ADIPOR2: variants seen among roughly 807,000 people sequenced by gnomAD.
ADIPOR2 encodes the protein adiponectin receptor protein 2.
In ADIPOR2, 18 loss-of-function variants were observed where a neutral mutation model predicts 40.9. The observed-to-expected ratio is 0.44, with a 90% confidence interval of 0.30 to 0.65. The LOEUF (loss-of-function observed/expected upper bound fraction) is 0.65, where lower values mean the gene tolerates loss of function less well. ADIPOR2 is among the 30% of genes least tolerant of loss of function. The pLI is 0.09. For missense variants in ADIPOR2, 283 were observed against 479.2 expected, an observed-to-expected ratio of 0.59 and a Z score of 3.82; for synonymous variants, 165 against 166.4, an observed-to-expected ratio of 0.99 and a Z score of 0.06.
chr12:1,740,716 G>A (rs555037571), intron 1 of ADIPOR2, among the ~76,000 whole-genome samples: 5 of 152,190 alleles, frequency 3.3e-5, no homozygotes, highest in East Asian at 1.9e-4. Context: ...CCTGTTTTAC[G>A]TATGTATGTG....
chr12:1,757,550 A>G (rs1862163534), intron 2 of ADIPOR2: 3 of 867,536 alleles, frequency 3.5e-6, no homozygotes, highest in Admixed American at 1.7e-5. Context: ...TCTGAATGGT[A>G]TCATTCACCT....
chr12:1,714,440 G>T (rs2094683670), intron 1 of ADIPOR2, among the ~76,000 whole-genome samples: 1 of 152,090 alleles, frequency 6.6e-6, no homozygotes, highest in Non-Finnish European at 1.5e-5. Context: ...TATCTTTTAG[G>T]ATCAATTGAC....
rs1565653745 is a variant in ADIPOR2 at position 1,765,023 on chromosome 12, A to G, written c.172-7819A>G. Among the ~76,000 whole-genome samples, 3 of 152,282 alleles carry G rather than the reference A, an allele frequency of 2.0e-5. No homozygotes were observed. In the Middle Eastern group the frequency reaches 0.01, roughly 518 times the overall value. ...TCCAGTACTTGTTTTTTAGTGAACAAATGTATGCACTTCCATTAGCTACAT... is the reference window on the plus strand; with the variant it reads ...TCCAGTACTTGTTTTTTAGTGAACAGATGTATGCACTTCCATTAGCTACAT... On this transcript the variant is annotated intron_variant, in intron 2 of 7. Coordinates refer to ENST00000357103, the MANE Select transcript of ADIPOR2 (RefSeq NM_024551.3).
intron 1 of ADIPOR2, among the ~76,000 whole-genome samples, chr12:1,693,000 CA>C (rs1354626581): frequency 2.6e-5 from 4 of 151,978 alleles, no homozygotes; most frequent in Admixed American, 2.6e-4. Flanking sequence ...ATTAAAACTA[CA>C]AAAATTAGCC....
chr12:1,746,522 T>C (rs1413225127), intron 1 of ADIPOR2, among the ~76,000 whole-genome samples: 2 of 151,780 alleles, frequency 1.3e-5, no homozygotes, highest in South Asian at 2.1e-4. Flanking sequence ...AACCCTCTTA[T>C]AAGAGACAAG....
At chr12:1,722,781 A>G (rs2094700342) in intron 1 of ADIPOR2, among the ~76,000 whole-genome samples, 1 of 152,232 alleles carries the variant, frequency 6.6e-6, no homozygotes, top group Admixed American at 6.5e-5. Context: ...CTCTACAAAT[A>G]TTGAGGTAGA....
chr12:1,774,839 G>A (rs1862555319), intron 3 of ADIPOR2, among the ~76,000 whole-genome samples: 1 of 152,196 alleles, frequency 6.6e-6, no homozygotes, highest in African/African-American at 2.4e-5. Context: ...CAAGTAGCTG[G>A]GATTACAGGC....
intron 1 of ADIPOR2, among the ~76,000 whole-genome samples, chr12:1,718,289 G>A (rs895524438): frequency 3.3e-5 from 5 of 151,830 alleles, no homozygotes; most frequent in African/African-American, 1.2e-4. Context: ...TCAAGTTCTT[G>A]AAAGACTGTT....
In ADIPOR2 at chr12:1,754,532, A is replaced by G. The variant is rs1432151010; in HGVS notation, c.171+18A>G. On this transcript the variant is annotated intron_variant, in intron 2 of 7. Transcript: ENST00000357103. ...ATAAAAAAGTAAGTCAAATTGGAAGAATGATAAACAAAGGAAAAAATGTGG... is the reference window on the plus strand; with the variant it reads ...ATAAAAAAGTAAGTCAAATTGGAAGGATGATAAACAAAGGAAAAAATGTGG... 3 of 1,584,768 alleles carry G rather than the reference A, an allele frequency of 1.9e-6. No individual in the cohort carries two copies. Among genetic ancestry groups the G allele is most frequent in the Non-Finnish European group, 2.6e-6 (3 of 1,165,610 alleles).
chr12:1,778,531 C>CT (rs1862647063), intron 4 of ADIPOR2: 1 of 152,152 alleles, frequency 6.6e-6, no homozygotes, highest in East Asian at 1.9e-4. Context: ...AAGAATGATC[C>CT]CGAACTCACA....
At chr12:1,721,457 C>T (rs1400002990) in intron 1 of ADIPOR2, among the ~76,000 whole-genome samples, 3 of 152,196 alleles carry the variant, frequency 2.0e-5, no homozygotes, top group African/African-American at 7.2e-5. Flanking sequence ...CTCAACTGAT[C>T]CGCTTGCCTT....
At chr12:1,705,439 A>G (rs891917533) in intron 1 of ADIPOR2, among the ~76,000 whole-genome samples, 3 of 152,184 alleles carry the variant, frequency 2.0e-5, no homozygotes, top group Non-Finnish European at 2.9e-5. Flanking sequence ...ATTCGACGCC[A>G]CAAGTGGAAA....
At chr12:1,714,190 G>A (rs1433404884) in intron 1 of ADIPOR2, among the ~76,000 whole-genome samples, 1 of 152,136 alleles carries the variant, frequency 6.6e-6, no homozygotes, top group Non-Finnish European at 1.5e-5. Context: ...GCCTAACCGG[G>A]TGATTGGCCT....
At chr12:1,722,286 G>T (rs1384860805) in intron 1 of ADIPOR2, among the ~76,000 whole-genome samples, 1 of 152,182 alleles carries the variant, frequency 6.6e-6, no homozygotes, top group African/African-American at 2.4e-5. Context: ...GAAGATTGGT[G>T]GTGCAGTTTA....
intron 2 of ADIPOR2, among the ~76,000 whole-genome samples, chr12:1,756,681 G>GT (rs1479122501): frequency 1.3e-5 from 2 of 152,096 alleles, no homozygotes; most frequent in African/African-American, 4.8e-5. Flanking sequence ...TATGACTCTG[G>GT]TTGTGGAATG....
chr12:1,757,732 G>C lies in ADIPOR2; in HGVS notation c.171+3218G>C, dbSNP rs1001445056. The C allele has an allele frequency of 3.6e-5, 47 of 1,288,636 alleles. 1 individual carries two copies. The highest frequency in any genetic ancestry group is 3.4e-4 in the South Asian group (29 of 84,356). 79.8% of individuals were successfully genotyped at this position (1,288,636 alleles called of 1,614,324 possible). A position where few individuals can be genotyped will look rare whatever the true frequency, so the allele number is the denominator to read the frequency against. On this transcript the variant is annotated intron_variant, in intron 2 of 7. Coordinates refer to ENST00000357103, the MANE Select transcript of ADIPOR2 (RefSeq NM_024551.3). ...ATAGATGAGACGGAAATTCTCCCCC[G>C]TCTTGTCAATGCTGATGACATCCAT... is the stretch of plus-strand genomic sequence containing the variant.
intron 1 of ADIPOR2, among the ~76,000 whole-genome samples, chr12:1,708,630 C>T (rs2094668787): frequency 1.3e-5 from 2 of 152,086 alleles, no homozygotes; most frequent in Admixed American, 1.3e-4. Flanking sequence ...AAAGACTATC[C>T]TTTCCTCATT....
chr12:1,775,576 G>C (rs1862574572), intron 3 of ADIPOR2, among the ~76,000 whole-genome samples: 1 of 152,226 alleles, frequency 6.6e-6, no homozygotes, highest in Admixed American at 6.5e-5. Context: ...TAGCAGAGTA[G>C]CAGTTTGGAT....
intron 1 of ADIPOR2, among the ~76,000 whole-genome samples, chr12:1,698,636 A>T (rs1183005433): frequency 6.6e-6 from 1 of 152,212 alleles, no homozygotes; most frequent in Non-Finnish European, 1.5e-5. Context: ...CTATAACTTA[A>T]TACTGCTCTT....
Sources: allele counts gnomAD v4.1 joint callset (sites outside exome capture counted in the v4.1 genomes callset), GRCh38; gene constraint gnomAD v4.1.1; transcripts MANE v1.5; gene names NCBI Gene and HGNC (gene_info 2026-07-23, HGNC 2026-07-21).